Variants in CNTNAP2 observed in about 807,000 individuals in gnomAD.
CNTNAP2 encodes contactin associated protein 2.
CNTNAP2 carries 98 observed loss-of-function variants against 155.2 expected under a neutral mutation model. The observed-to-expected ratio is 0.63, with a 90% CI of 0.54 to 0.75. The LOEUF (loss-of-function observed/expected upper bound fraction) is 0.75. Ranked by LOEUF, CNTNAP2 falls within the 30% of genes least tolerant of loss-of-function variation. CNTNAP2 has a pLI of 0.00. For synonymous variants in CNTNAP2, 651 were observed against 631.2 expected, an observed-to-expected ratio of 1.03 and a Z score of -0.47; for missense variants, 1,727 against 1,688.1, an observed-to-expected ratio of 1.02 and a Z score of -0.40.
chr7:147,380,566 CA>C (rs1377185004), intron 9 of CNTNAP2, among the ~76,000 whole-genome samples: 1 of 151,840 alleles, frequency 6.6e-6, no homozygotes, highest in Non-Finnish European at 1.5e-5. Flanking sequence ...TCCTAAGCAT[CA>C]AAGCCAAAAA....
intron 1 of CNTNAP2, among the ~76,000 whole-genome samples, chr7:146,523,206 C>T (rs764515389): frequency 1.3e-5 from 2 of 151,938 alleles, no homozygotes; most frequent in Non-Finnish European, 2.9e-5. Context: ...TTTTTGTCCT[C>T]ATAGCTTAGA....
chr7:148,347,847 G>GGCATTAAATCTTTACAGCTGGAGTT (rs1481126908), intron 21 of CNTNAP2, among the ~76,000 whole-genome samples: 2 of 152,196 alleles, frequency 1.3e-5, no homozygotes, highest in African/African-American at 2.4e-5. Flanking sequence ...GAACAAGCCA[G>GGCATTAAATCTTTACAGCTGGAGTT]GCATTAAATC....
At chr7:147,242,583 TA>T (rs543347871) in intron 8 of CNTNAP2, among the ~76,000 whole-genome samples, 2 of 152,190 alleles carry the variant, frequency 1.3e-5, no homozygotes, top group Admixed American at 6.5e-5. Context: ...GCCAGCTTTT[TA>T]AAAACTGGTA....
At chr7:147,498,411 C>G (rs1247457325) in intron 11 of CNTNAP2, among the ~76,000 whole-genome samples, 1 of 152,224 alleles carries the variant, frequency 6.6e-6, no homozygotes, top group Non-Finnish European at 1.5e-5. Flanking sequence ...TGTCTTGAAA[C>G]TTTTGCTTTC....
intron 1 of CNTNAP2, among the ~76,000 whole-genome samples, chr7:146,330,976 A>G (rs1801174698): frequency 6.6e-6 from 1 of 152,180 alleles, no homozygotes; most frequent in Non-Finnish European, 1.5e-5. Flanking sequence ...ATTGCCTGTA[A>G]GATATAAGCA....
At chr7:146,480,073 CT>C in intron 1 of CNTNAP2, among the ~76,000 whole-genome samples, 1 of 152,342 alleles carries the variant, frequency 6.6e-6, no homozygotes, top group African/African-American at 2.4e-5. Flanking sequence ...GCGTGAGCCA[CT>C]GAGCCTGGTT....
In CNTNAP2 at chr7:147,854,564, C is replaced by G. The variant is rs560863471; in HGVS notation, c.2099-49001C>G. The stretch of plus-strand genomic sequence containing the variant: ...TTAGAAAATATAAAACTCCCCAGCC[C>G]CTACTTCAAGGTTATGTTCTCAGAA... On this transcript the variant is annotated intron_variant, in intron 13 of 23. Coordinates refer to ENST00000361727, the MANE Select transcript of CNTNAP2 (RefSeq NM_014141.6). 4.6e-5 allele frequency among the ~76,000 whole-genome samples: 7 copies of G among 152,246 alleles called. No individual in the cohort carries two copies. In the East Asian group the frequency reaches 1.2e-3, roughly 25 times the overall value.
At chr7:147,904,010 T>C (rs1361086244) in intron 14 of CNTNAP2, among the ~76,000 whole-genome samples, 1 of 152,172 alleles carries the variant, frequency 6.6e-6, no homozygotes, top group South Asian at 2.1e-4. Flanking sequence ...ATTTGCATTA[T>C]AAAATGTGCT....
At chr7:146,287,652 C>G (rs759199754) in intron 1 of CNTNAP2, among the ~76,000 whole-genome samples, 18 of 152,126 alleles carry the variant, frequency 1.2e-4, no homozygotes, top group South Asian at 2.1e-4. Flanking sequence ...GCAAAATATG[C>G]TTACATACAC....
chr7:147,907,659 A>G (rs960314687), intron 14 of CNTNAP2, among the ~76,000 whole-genome samples: 2 of 152,214 alleles, frequency 1.3e-5, no homozygotes, highest in African/African-American at 2.4e-5. Context: ...TATTATCTGT[A>G]TAATAAAAAT....
At chr7:147,502,063 A>G (rs999828044) in intron 11 of CNTNAP2, among the ~76,000 whole-genome samples, 1 of 152,208 alleles carries the variant, frequency 6.6e-6, no homozygotes, top group Non-Finnish European at 1.5e-5. Context: ...GATGAAAAAA[A>G]GTGAAGACGA....
chr7:147,732,198 C>T (rs1796753587), intron 13 of CNTNAP2, among the ~76,000 whole-genome samples: 1 of 148,908 alleles, frequency 6.7e-6, no homozygotes, highest in Admixed American at 6.9e-5. Context: ...CCCACCACCC[C>T]CATGACAGGC....
chr7:146,945,858 C>A (rs1235029430), intron 3 of CNTNAP2, among the ~76,000 whole-genome samples: 1 of 152,040 alleles, frequency 6.6e-6, no homozygotes, highest in Non-Finnish European at 1.5e-5. Flanking sequence ...AGAAAGAGTA[C>A]AATGATCATT....
chr7:148,399,675 T>G lies in CNTNAP2; in HGVS notation c.3716-9716T>G, dbSNP rs116130727. 6.5e-3 allele frequency among the ~76,000 whole-genome samples: 994 copies of G among 152,298 alleles called. 13 individuals are homozygous for G. Among genetic ancestry groups the G allele is most frequent in the African/African-American group, 0.022 (905 of 41,562 alleles). ...CTCCAACATTCAAAATAATAGTAAA[T>G]AATTCTCTCTGAAATTAACACAGTG... On this transcript the variant is annotated intron_variant, in intron 22 of 23. Transcript: ENST00000361727.
intron 8 of CNTNAP2, among the ~76,000 whole-genome samples, chr7:147,165,931 G>A (rs12667278): frequency 0.37 from 55,657 of 151,940 alleles, 11,171 homozygotes; most frequent in East Asian, 0.62. Context: ...ACTGCTGGTG[G>A]GAATGTAAAC....
chr7:146,944,218 C>G (rs1357629089), intron 3 of CNTNAP2, among the ~76,000 whole-genome samples: 2 of 133,976 alleles, frequency 1.5e-5, no homozygotes, highest in Non-Finnish European at 3.3e-5. Flanking sequence ...TGAGATTCAT[C>G]TACAGGTTTT....
At chr7:148,303,888 G>C (rs914552977) in intron 21 of CNTNAP2, among the ~76,000 whole-genome samples, 8 of 152,176 alleles carry the variant, frequency 5.3e-5, no homozygotes, top group Admixed American at 2.6e-4. Flanking sequence ...GTTGTCACTG[G>C]GTGGAATGTG....
chr7:147,268,095 T>A (rs1316710791), intron 8 of CNTNAP2, among the ~76,000 whole-genome samples: 1 of 152,216 alleles, frequency 6.6e-6, no homozygotes, highest in Non-Finnish European at 1.5e-5. Context: ...AAGGTAAATA[T>A]ATAAGCATTA....
intron 10 of CNTNAP2, among the ~76,000 whole-genome samples, chr7:147,409,235 T>C (rs998099649): frequency 6.6e-6 from 1 of 151,976 alleles, no homozygotes; most frequent in African/African-American, 2.4e-5. Context: ...AGAATTGAGA[T>C]AGAAGTGCAG....
Sources: gnomAD v4.1 joint callset for allele counts (sites outside exome capture counted in the v4.1 genomes callset) on GRCh38, gnomAD v4.1.1 for gene constraint, MANE v1.5 for transcripts, NCBI Gene and HGNC (gene_info 2026-07-23, HGNC 2026-07-21) for gene names.